The following RALGAPA1 variants were observed in gnomAD, a reference collection of about 807,000 sequenced individuals.
RALGAPA1 encodes the protein Ral GTPase activating protein catalytic subunit alpha 1, also known as ral GTPase-activating protein subunit alpha-1.
Under a neutral mutation model 269.6 loss-of-function variants are expected in RALGAPA1, and 52 were observed. That is an observed-to-expected ratio of 0.19 (90% CI 0.15 to 0.24). RALGAPA1 has a LOEUF of 0.24. RALGAPA1 is among the 10% of genes least tolerant of loss of function. The pLI is 1.00. For missense variants in RALGAPA1, 1,917 were observed against 3,013.9 expected, an observed-to-expected ratio of 0.64 and a Z score of 8.52; for synonymous variants, 817 against 1,008.3, an observed-to-expected ratio of 0.81 and a Z score of 3.60.
intron 31 of RALGAPA1, among the ~76,000 whole-genome samples, chr14:35,645,574 C>T (rs1217979346): frequency 6.6e-6 from 1 of 151,434 alleles, no homozygotes. Context: ...ACTAAAAATA[C>T]AAAAAAATTA....
intron 35 of RALGAPA1, among the ~76,000 whole-genome samples, chr14:35,624,154 C>A (rs1348432078): frequency 7.9e-5 from 4 of 50,510 alleles, no homozygotes; most frequent in Non-Finnish European, 1.4e-4. Context: ...TATAATACAA[C>A]GCAAAAAAAA....
intron 7 of RALGAPA1, among the ~76,000 whole-genome samples, chr14:35,752,982 T>C (rs1222938994): frequency 6.6e-6 from 1 of 152,154 alleles, no homozygotes; most frequent in African/African-American, 2.4e-5. Flanking sequence ...GAATTAACAT[T>C]AAGATAGATA....
chr14:35,618,072 T>A (rs1594834984), intron 35 of RALGAPA1, among the ~76,000 whole-genome samples: 2 of 152,056 alleles, frequency 1.3e-5, no homozygotes, highest in Non-Finnish European at 1.5e-5. Context: ...TGAAACAAAC[T>A]GAAAGAAAAA....
At chr14:35,740,916 A>G (rs928597972) in intron 11 of RALGAPA1, among the ~76,000 whole-genome samples, 5 of 152,232 alleles carry the variant, frequency 3.3e-5, no homozygotes, top group African/African-American at 4.8e-5. Context: ...TGACTCCCTT[A>G]TATATTGAAT....
chr14:35,776,406 T>C (rs2075030505), intron 1 of RALGAPA1, among the ~76,000 whole-genome samples: 1 of 151,114 alleles, frequency 6.6e-6, no homozygotes, highest in African/African-American at 2.4e-5. Flanking sequence ...AAAAGAAGAA[T>C]TTATAATGTC....
intron 10 of RALGAPA1, among the ~76,000 whole-genome samples, chr14:35,743,120 T>C (rs1187188437): frequency 6.6e-6 from 1 of 151,732 alleles, no homozygotes; most frequent in Non-Finnish European, 1.5e-5. Flanking sequence ...CACATAGACA[T>C]GGGGAGACCA....
chr14:35,580,617 A>G (rs2057892739), intron 37 of RALGAPA1, among the ~76,000 whole-genome samples: 2 of 152,306 alleles, frequency 1.3e-5, no homozygotes, highest in African/African-American at 4.8e-5. Flanking sequence ...TTCTCTTCAC[A>G]AGAAATATAA....
intron 1 of RALGAPA1, chr14:35,807,938 C>T (rs956800711): frequency 2.6e-5 from 4 of 152,156 alleles, no homozygotes; most frequent in African/African-American, 9.7e-5. Flanking sequence ...CTTTTCATCT[C>T]AAATGTCTTC....
intron 30 of RALGAPA1, among the ~76,000 whole-genome samples, chr14:35,653,281 T>C (rs542018350): frequency 6.6e-6 from 1 of 152,198 alleles, no homozygotes; most frequent in Non-Finnish European, 1.5e-5. Context: ...GACTGGTACA[T>C]AGTAGGTGTT....
In RALGAPA1 at chr14:35,674,167, AT is replaced by A. The variant is rs1228690803; in HGVS notation, c.4917+12del. The A allele has an allele frequency of 6.4e-7, 1 of 1,560,104 alleles. No homozygotes were observed. Among genetic ancestry groups the A allele is most frequent in the South Asian group, 1.1e-5 (1 of 87,598 alleles). On this transcript the variant is annotated intron_variant, in intron 24 of 41. Coordinates refer to ENST00000680220, the MANE Select transcript of RALGAPA1 (RefSeq NM_001346249.2). ...GAGAAGTTTTAAACTAATATTTTAT[AT>A]ATTAAGCTTACCTTAAAAAGCCAAG...
At chr14:35,714,131 T>C (rs1177496267) in intron 16 of RALGAPA1, among the ~76,000 whole-genome samples, 1 of 152,016 alleles carries the variant, frequency 6.6e-6, no homozygotes, top group Non-Finnish European at 1.5e-5. Flanking sequence ...GCAGCCACTC[T>C]TCAAGTCTCT....
rs780128156 is a variant in RALGAPA1, at chr14:35,721,668, T to C, written c.2266+20A>G. On this transcript the variant is annotated intron_variant, in intron 16 of 41. Coordinates refer to ENST00000680220, the MANE Select transcript of RALGAPA1 (RefSeq NM_001346249.2). ...AATGTAGTGCCCTGTACCATTCTCA[T>C]GATTTTCAAGAGTACATACCGACAG... The C allele has an allele frequency of 5.6e-6, 9 of 1,607,104 alleles. No individual in the cohort carries two copies. The Admixed American group carries it at 6.7e-5, about 12-fold the overall frequency.
intron 35 of RALGAPA1, among the ~76,000 whole-genome samples, chr14:35,612,740 A>G (rs559235664): frequency 3.4e-4 from 51 of 152,150 alleles, no homozygotes; most frequent in East Asian, 9.7e-4. Context: ...GGGTTTCACC[A>G]TGTTAGCCAG....
intron 31 of RALGAPA1, among the ~76,000 whole-genome samples, chr14:35,639,328 T>C (rs2061860085): frequency 6.6e-6 from 1 of 152,176 alleles, no homozygotes; most frequent in Non-Finnish European, 1.5e-5. Flanking sequence ...AATACAATAA[T>C]AGCTGAAGAC....
intron 17 of RALGAPA1, among the ~76,000 whole-genome samples, chr14:35,692,093 T>C (rs969347396): frequency 8.5e-5 from 13 of 152,116 alleles, no homozygotes; most frequent in African/African-American, 3.1e-4. Flanking sequence ...TAAGAGATCA[T>C]AAGAACTTCT....
chr14:35,782,994 T>C (rs950243783), intron 1 of RALGAPA1, among the ~76,000 whole-genome samples: 1 of 151,924 alleles, frequency 6.6e-6, no homozygotes, highest in Non-Finnish European at 1.5e-5. Context: ...GCTCATTTTT[T>C]AAATTTTTTG....
chr14:35,748,888 G>C, intron 9 of RALGAPA1, 64 bp from the exon 10 acceptor site: 1 of 1,481,900 alleles, frequency 6.7e-7, no homozygotes, highest in Non-Finnish European at 8.9e-7. Flanking sequence ...TATGTATTTT[G>C]TCTTTTAATA....
chr14:35,738,982 T>C (rs1020958326), intron 11 of RALGAPA1, among the ~76,000 whole-genome samples: 3 of 152,240 alleles, frequency 2.0e-5, no homozygotes, highest in Admixed American at 6.5e-5. Flanking sequence ...ATACTACCTA[T>C]AGCTTTGTAA....
At chr14:35,540,612 A>C (rs929098393) in intron 41 of RALGAPA1, among the ~76,000 whole-genome samples, 4 of 152,226 alleles carry the variant, frequency 2.6e-5, no homozygotes, top group African/African-American at 9.6e-5. Context: ...CCTAAACAAA[A>C]TGAGTAATTA....
Sources: gnomAD v4.1 joint callset for allele counts (sites outside exome capture counted in the v4.1 genomes callset) on GRCh38, gnomAD v4.1.1 for gene constraint, MANE v1.5 for transcripts, NCBI Gene and HGNC (gene_info 2026-07-23, HGNC 2026-07-21) for gene names.